Variants in ARHGAP25 observed in about 807,000 individuals in gnomAD.
The protein encoded by ARHGAP25 is rho GTPase-activating protein 25.
Under a neutral mutation model 71.0 loss-of-function variants are expected in ARHGAP25, and 34 were observed. That is an observed-to-expected ratio of 0.48 (90% CI 0.36 to 0.64). The LOEUF (loss-of-function observed/expected upper bound fraction) is 0.64, where lower values mean the gene tolerates loss of function less well. Among genes scored for constraint, ARHGAP25 ranks in the 30% least tolerant of loss-of-function variants. The pLI is 0.00. For synonymous variants in ARHGAP25, 282 were observed against 296.5 expected, an observed-to-expected ratio of 0.95 and a Z score of 0.50; for missense variants, 706 against 805.1, an observed-to-expected ratio of 0.88 and a Z score of 1.49.
chr2:68,817,634 C>G (rs1187301925), intron 7 of ARHGAP25, among the ~76,000 whole-genome samples: 6 of 152,142 alleles, frequency 3.9e-5, no homozygotes, highest in Non-Finnish European at 8.8e-5. Context: ...TTATGTGATT[C>G]CATTCACCTC....
intron 10 of ARHGAP25, 63 bp downstream of exon 10, chr2:68,822,935 G>C: frequency 1.4e-6 from 2 of 1,474,434 alleles, no homozygotes; most frequent in Non-Finnish European, 1.8e-6. Flanking sequence ...AAGAGGGATT[G>C]TTCCCATCCG....
At chr2:68,811,606 C>T (rs915451390) in intron 5 of ARHGAP25, among the ~76,000 whole-genome samples, 2 of 151,990 alleles carry the variant, frequency 1.3e-5, no homozygotes, top group Non-Finnish European at 1.5e-5. Context: ...TGTGCCAGCC[C>T]GTGTTCTCCT....
Position 68,822,605 on chromosome 2 carries a change from A to G in ARHGAP25, c.1466A>G (p.Gln489Arg). The G allele has an allele frequency of 6.2e-7, 1 of 1,614,184 alleles. No homozygotes were observed. The highest frequency in any genetic ancestry group is 8.5e-7 in the Non-Finnish European group (1 of 1,180,042). The change falls in exon 10 of 11, where the codon CAA (glutamine) becomes CGA (arginine). Residue 489 changes from glutamine (Q) to arginine (R), a missense_variant. Coordinates refer to ENST00000409202, the MANE Select transcript of ARHGAP25 (RefSeq NM_001007231.3). Reference sequence around the variant, plus strand: ...GAAGGGCACAGGAGAACGATGTCTCAAGACTTGCGCCAACTTTCTGACTCC... The same window carrying G: ...GAAGGGCACAGGAGAACGATGTCTCGAGACTTGCGCCAACTTTCTGACTCC... ...AGEGHRRTMS[Q>R]DLRQLSDSQR...
intron 2 of ARHGAP25, among the ~76,000 whole-genome samples, chr2:68,778,713 T>TC (rs1250195975): frequency 1.3e-5 from 2 of 152,178 alleles, no homozygotes; most frequent in African/African-American, 2.4e-5. Context: ...ACACAGTAAT[T>TC]CTGGGTCTAC....
intron 2 of ARHGAP25, among the ~76,000 whole-genome samples, chr2:68,724,449 G>A (rs973231759): frequency 2.6e-5 from 4 of 152,190 alleles, no homozygotes; most frequent in African/African-American, 9.7e-5. Flanking sequence ...GCTCCACAGT[G>A]CATGACCTCT....
intron 1 of ARHGAP25, among the ~76,000 whole-genome samples, chr2:68,743,369 C>T (rs569007947): frequency 2.2e-4 from 33 of 149,662 alleles, no homozygotes; most frequent in Admixed American, 4.7e-4. Context: ...TTCCTATTAG[C>T]TCTAAGAGTC....
At chr2:68,773,494 C>T (rs1677625522) in intron 1 of ARHGAP25, among the ~76,000 whole-genome samples, 1 of 152,132 alleles carries the variant, frequency 6.6e-6, no homozygotes, top group Non-Finnish European at 1.5e-5. Context: ...GCACTGAGGA[C>T]TCCAAAAGTG....
chr2:68,713,856 G>A (rs562216268), intron 2 of ARHGAP25, among the ~76,000 whole-genome samples: 29 of 152,284 alleles, frequency 1.9e-4, no homozygotes, highest in African/African-American at 6.5e-4. Context: ...TGGTGGATAA[G>A]TTTTTTGATG....
intron 1 of ARHGAP25, among the ~76,000 whole-genome samples, chr2:68,741,101 C>T (rs1675496567): frequency 6.6e-6 from 1 of 152,224 alleles, no homozygotes; most frequent in African/African-American, 2.4e-5. Context: ...TAGGCAGTCT[C>T]ATTTCCAACC....
At chr2:68,823,781 C>CG (rs997518730) in intron 10 of ARHGAP25, among the ~76,000 whole-genome samples, 7 of 152,168 alleles carry the variant, frequency 4.6e-5, no homozygotes, top group Non-Finnish European at 7.4e-5. Flanking sequence ...CAAACAGAAG[C>CG]GGGAGGCCAG....
At chr2:68,812,122 G>T (rs13415752) in intron 5 of ARHGAP25, among the ~76,000 whole-genome samples, 47,742 of 152,008 alleles carry the variant, frequency 0.31, 8,252 homozygotes, top group South Asian at 0.44. Context: ...GGCTTTGCAG[G>T]CCAGATGGTC....
At chr2:68,713,562 C>T (rs185849445) in intron 2 of ARHGAP25, among the ~76,000 whole-genome samples, 1 of 152,232 alleles carries the variant, frequency 6.6e-6, no homozygotes, top group East Asian at 1.9e-4. Context: ...AGAGGACATC[C>T]TTGTTTTGTG....
At chr2:68,735,529 C>G in intron 1 of ARHGAP25, 1 of 544,852 alleles carries the variant, frequency 1.8e-6, no homozygotes, top group Non-Finnish European at 3.3e-6. Flanking sequence ...CTACAGACTA[C>G]ACACAAAACT....
intron 4 of ARHGAP25, among the ~76,000 whole-genome samples, chr2:68,804,342 C>T (rs557304544): frequency 6.6e-6 from 1 of 152,258 alleles, no homozygotes; most frequent in Non-Finnish European, 1.5e-5. Flanking sequence ...TCAACTGTTC[C>T]AAGAGACATC....
Position 68,735,693 on chromosome 2 carries a change from G to A in ARHGAP25, c.61+433G>A, listed in dbSNP as rs77834004. Among the ~76,000 whole-genome samples the A allele has an allele frequency of 6.7e-3, 1,022 of 152,124 alleles. 12 individuals carry two copies. The highest frequency in any genetic ancestry group is 0.023 in the African/African-American group (967 of 41,478). On this transcript the variant is annotated intron_variant, in intron 1 of 10. Coordinates refer to ENST00000409202, the MANE Select transcript of ARHGAP25 (RefSeq NM_001007231.3). Reference sequence around the variant, plus strand: ...TCTGTTTTGTGAGCCCAGGAGTCAAGGTGTATTAAAAGGTAGTAGCAAAAG... The same window carrying A: ...TCTGTTTTGTGAGCCCAGGAGTCAAAGTGTATTAAAAGGTAGTAGCAAAAG...
At chr2:68,802,416 A>G (rs1280266021) in intron 4 of ARHGAP25, among the ~76,000 whole-genome samples, 1 of 151,564 alleles carries the variant, frequency 6.6e-6, no homozygotes, top group Non-Finnish European at 1.5e-5. Flanking sequence ...TCAAAAAAAA[A>G]AAAAAAAAAA....
At chr2:68,732,345 C>T (rs897304541), upstream of ARHGAP25, among the ~76,000 whole-genome samples, 58 of 152,296 alleles carry the variant, frequency 3.8e-4, no homozygotes, top group African/African-American at 1.4e-3. Flanking sequence ...CTTAATGACA[C>T]CTTCAAAATA....
At chr2:68,735,396 T>C in intron 1 of ARHGAP25, 136 bp downstream of exon 1, 1 of 919,074 alleles carries the variant, frequency 1.1e-6, no homozygotes, top group Non-Finnish European at 1.7e-6. Context: ...ACCATTTGCA[T>C]TTAAGTTGGC....
chr2:68,807,598 G>C lies in ARHGAP25; in HGVS notation c.674+118G>C, dbSNP rs78410209. 1,962 of 1,014,662 alleles carry C rather than the reference G, an allele frequency of 1.9e-3. 30 individuals carry two copies. In the African/African-American group the frequency reaches 0.028, roughly 15 times the overall value. 62.9% of individuals were successfully genotyped at this position (1,014,662 alleles called of 1,614,324 possible). On this transcript the variant is annotated intron_variant, in intron 5 of 10. Transcript: ENST00000409202. ...TGCATAGAGACTTCTAAGAGCCCTG[G>C]CTTACAACAGAAAGAGCCTTTGTTT... is the stretch of plus-strand genomic sequence containing the variant.
Sources: gnomAD v4.1 joint callset for allele counts (sites outside exome capture counted in the v4.1 genomes callset) on GRCh38, gnomAD v4.1.1 for gene constraint, MANE v1.5 for transcripts, NCBI Gene and HGNC (gene_info 2026-07-23, HGNC 2026-07-21) for gene names.